NRG2: variants seen among roughly 807,000 people sequenced by gnomAD.
The protein encoded by NRG2 is pro-neuregulin-2, membrane-bound isoform.
Under a neutral mutation model 73.9 loss-of-function variants are expected in NRG2, and 27 were observed. The ratio of observed to expected loss-of-function variants is 0.37; its 90% CI spans 0.27 to 0.50. The LOEUF is 0.50. Among genes scored for constraint, NRG2 ranks in the 20% least tolerant of loss-of-function variants. The probability of loss-of-function intolerance (pLI) is 0.96; values close to 1 mark genes in which losing one functional copy is unlikely to be tolerated. For synonymous variants in NRG2, 532 were observed against 541.0 expected (o/e 0.98, Z 0.23); for missense variants, 1,126 against 1,210.1 (o/e 0.93, Z 1.03).
intron 1 of NRG2, among the ~76,000 whole-genome samples, chr5:139,996,768 A>G (rs1176616867): frequency 6.6e-6 from 1 of 152,158 alleles, no homozygotes. Context: ...CCCATCAATT[A>G]CCTCTTTTAG....
chr5:139,989,896 C>T (rs1170503390), intron 1 of NRG2, among the ~76,000 whole-genome samples: 1 of 151,456 alleles, frequency 6.6e-6, no homozygotes, highest in Non-Finnish European at 1.5e-5. Context: ...TCATGCCATT[C>T]TCCTGCCTCA....
At chr5:140,027,585 T>C (rs1375148300) in intron 1 of NRG2, among the ~76,000 whole-genome samples, 1 of 152,216 alleles carries the variant, frequency 6.6e-6, no homozygotes, top group Non-Finnish European at 1.5e-5. Flanking sequence ...TCACATAACT[T>C]TTATTACAGT....
At chr5:139,981,817 T>C (rs1378006096) in intron 1 of NRG2, among the ~76,000 whole-genome samples, 1 of 152,196 alleles carries the variant, frequency 6.6e-6, no homozygotes, top group Non-Finnish European at 1.5e-5. Flanking sequence ...CTGGATCCTG[T>C]TTAAGGCTGT....
chr5:139,888,825 A>G (rs1189473413), intron 1 of NRG2, among the ~76,000 whole-genome samples: 1 of 152,242 alleles, frequency 6.6e-6, no homozygotes, highest in Non-Finnish European at 1.5e-5. Flanking sequence ...GAGTGAAAAA[A>G]GAAGAAAACA....
At chr5:139,992,762 A>T (rs1580896047) in intron 1 of NRG2, among the ~76,000 whole-genome samples, 1 of 152,222 alleles carries the variant, frequency 6.6e-6, no homozygotes, top group East Asian at 1.9e-4. Flanking sequence ...AGACAAATCA[A>T]CCATCCCAAA....
intron 1 of NRG2, among the ~76,000 whole-genome samples, chr5:139,998,222 T>G (rs1332697804): frequency 6.6e-6 from 1 of 152,170 alleles, no homozygotes; most frequent in Non-Finnish European, 1.5e-5. Context: ...ACTTAACTTC[T>G]TTGGGCCTCT....
At chr5:139,892,502 T>A (rs778685792) in intron 1 of NRG2, among the ~76,000 whole-genome samples, 49 of 152,094 alleles carry the variant, frequency 3.2e-4, no homozygotes, top group Non-Finnish European at 5.3e-4. Context: ...CATTTATGCA[T>A]CCAGAGACAG....
At chr5:139,913,226 C>T (rs887893080) in intron 1 of NRG2, among the ~76,000 whole-genome samples, 3 of 152,188 alleles carry the variant, frequency 2.0e-5, no homozygotes, top group Non-Finnish European at 4.4e-5. Flanking sequence ...CATCATGCAA[C>T]ATGTTGACCT....
At chr5:139,937,404 G>C (rs1752928943) in intron 1 of NRG2, among the ~76,000 whole-genome samples, 1 of 152,110 alleles carries the variant, frequency 6.6e-6, no homozygotes, top group Admixed American at 6.5e-5. Context: ...TTAAGATCAG[G>C]AATAAGGCTA....
intron 1 of NRG2, among the ~76,000 whole-genome samples, chr5:140,017,283 G>T (rs186424584): frequency 2.4e-4 from 36 of 152,170 alleles, no homozygotes; most frequent in Non-Finnish European, 4.7e-4. Flanking sequence ...TTGGAAAGGG[G>T]GTGAGAGTTT....
At position 139,974,170 on chromosome 5, in the gene NRG2, G is replaced by A. The variant is rs1756200468; in HGVS notation, c.700+68200C>T. Among the ~76,000 whole-genome samples the A allele has an allele frequency of 2.0e-5, 3 of 151,890 alleles. 1 individual carries two copies. Among genetic ancestry groups the A allele is most frequent in the Admixed American group, 1.3e-4 (2 of 15,264 alleles). On this transcript the variant is annotated intron_variant, in intron 1 of 9. Transcript: ENST00000361474. Reference sequence around the variant, plus strand: ...TTCATTCAGGTAAAATAATCCAATAGCTTAGAAATATATACTCCCCAACCC... The same window carrying A: ...TTCATTCAGGTAAAATAATCCAATAACTTAGAAATATATACTCCCCAACCC...
chr5:139,967,986 T>G (rs1441081849), intron 1 of NRG2, among the ~76,000 whole-genome samples: 3 of 149,398 alleles, frequency 2.0e-5, no homozygotes, highest in Non-Finnish European at 4.5e-5. Flanking sequence ...AATAAATAAA[T>G]AAATAAATAA....
intron 1 of NRG2, among the ~76,000 whole-genome samples, chr5:140,001,699 CA>C (rs71574478): frequency 0.11 from 14,592 of 132,922 alleles, 1,065 homozygotes; most frequent in East Asian, 0.47. Flanking sequence ...CTATCTCCAC[CA>C]AAAAAAAAAA....
intron 1 of NRG2, among the ~76,000 whole-genome samples, chr5:139,943,090 C>T (rs942290703): frequency 2.6e-5 from 4 of 152,172 alleles, no homozygotes; most frequent in African/African-American, 9.7e-5. Flanking sequence ...ATCCATCCGT[C>T]TCAGCCTCCC....
chr5:139,928,188 T>G (rs1184962014), intron 1 of NRG2, among the ~76,000 whole-genome samples: 1 of 152,162 alleles, frequency 6.6e-6, no homozygotes, highest in Non-Finnish European at 1.5e-5. Context: ...CGAGAACAAG[T>G]GAGCATGAAT....
chr5:139,970,478 C>T (rs933981592), intron 1 of NRG2, among the ~76,000 whole-genome samples: 1 of 152,052 alleles, frequency 6.6e-6, no homozygotes, highest in Non-Finnish European at 1.5e-5. Context: ...CTAGAAGATG[C>T]AGGCAAGGCT....
intron 1 of NRG2, among the ~76,000 whole-genome samples, chr5:139,965,288 C>T (rs930328792): frequency 5.7e-4 from 86 of 152,210 alleles, no homozygotes; most frequent in Non-Finnish European, 2.2e-4. Context: ...GGTCAGGGGA[C>T]AGTACCCCAG....
chr5:139,919,978 T>C (rs1042959438), intron 1 of NRG2, among the ~76,000 whole-genome samples: 11 of 152,160 alleles, frequency 7.2e-5, no homozygotes, highest in African/African-American at 2.7e-4. Context: ...CTTAGGTTCA[T>C]AACAAAAATG....
intron 1 of NRG2, among the ~76,000 whole-genome samples, chr5:139,988,654 A>G (rs1181477940): frequency 6.6e-6 from 1 of 152,022 alleles, no homozygotes. Flanking sequence ...GGATGAATAG[A>G]TGGAGCACAG....
Sources: allele counts gnomAD v4.1 joint callset (sites outside exome capture counted in the v4.1 genomes callset), GRCh38; gene constraint gnomAD v4.1.1; transcripts MANE v1.5; gene names NCBI Gene and HGNC (gene_info 2026-07-23, HGNC 2026-07-21).